Variants in PRDM4 observed in about 807,000 individuals in gnomAD.
The protein encoded by PRDM4 is PR domain zinc finger protein 4.
Under a neutral mutation model 62.3 loss-of-function variants are expected in PRDM4, and 38 were observed. The ratio of observed to expected loss-of-function variants is 0.61; its 90% CI spans 0.47 to 0.80. The LOEUF (loss-of-function observed/expected upper bound fraction) is 0.80, where lower values mean the gene tolerates loss of function less well. PRDM4 is among the 30% of genes least tolerant of loss of function. The pLI, the probability that PRDM4 is intolerant of heterozygous loss-of-function variation, is 0.00. For synonymous variants in PRDM4, 339 were observed against 348.2 expected (o/e 0.97, Z 0.30); for missense variants, 858 against 997.1 (o/e 0.86, Z 1.88).
At chr12:107,751,096 C>T (rs1404466529) in intron 5 of PRDM4, among the ~76,000 whole-genome samples, 2 of 152,202 alleles carry the variant, frequency 1.3e-5, no homozygotes, top group South Asian at 2.1e-4. Context: ...AACCTCCTGC[C>T]TCTGCCTCCA....
Position 107,744,429 on chromosome 12 carries a change from C to G in PRDM4, c.1395+114G>C, listed in dbSNP as rs995146126. On this transcript the variant is annotated intron_variant, in intron 7 of 11. Transcript: ENST00000228437. ...AAATGTACGTGAAATAAATGACTGA[C>G]CAGTGAATGGCACTGTATCAGTTCT... is the stretch of plus-strand genomic sequence containing the variant. 7.0e-6 allele frequency: 8 copies of G among 1,139,888 alleles called. No individual in the cohort carries two copies. In the Admixed American group the frequency reaches 1.7e-4, roughly 24 times the overall value. The allele number at this position is 1,139,888 out of a possible 1,614,324, so 70.6% of individuals were successfully genotyped here. A position where few individuals can be genotyped will look rare whatever the true frequency, so the allele number is the denominator to read the frequency against.
At chr12:107,755,252 G>A (rs535863903) in intron 3 of PRDM4, among the ~76,000 whole-genome samples, 1 of 151,926 alleles carries the variant, frequency 6.6e-6, no homozygotes, top group African/African-American at 2.4e-5. Context: ...GTGCCACCAT[G>A]CGCTGCTAAT....
chr12:107,739,596 G>T, intron 10 of PRDM4, 45 bp from the exon 11 acceptor site: 1 of 1,576,948 alleles, frequency 6.3e-7, no homozygotes, highest in Admixed American at 1.7e-5. Context: ...AACAACTGCT[G>T]GCATCCCCAA....
intron 2 of PRDM4, among the ~76,000 whole-genome samples, chr12:107,757,600 T>C (rs946723689): frequency 2.6e-5 from 4 of 152,206 alleles, no homozygotes; most frequent in Admixed American, 6.5e-5. Context: ...CAACGTAAGA[T>C]AGATGAGGGA....
chr12:107,744,669 T>A lies in PRDM4; in HGVS notation c.1277-8A>T. 1 of 1,613,238 alleles carries A rather than the reference T, an allele frequency of 6.2e-7. No homozygotes were observed. The highest frequency in any genetic ancestry group is 8.5e-7 in the Non-Finnish European group (1 of 1,179,264). ...TTTCTCCAGTCCATACACCTGTCAG[T>A]GGAAGGACACCAACTACACAATCAA... On this transcript the variant is annotated splice_polypyrimidine_tract_variant and splice_region_variant and intron_variant, in intron 6 of 11. Coordinates refer to ENST00000228437, the MANE Select transcript of PRDM4 (RefSeq NM_012406.4).
Position 107,752,088 on chromosome 12 carries a change from C to T in PRDM4, c.453G>A (p.Gln151=). ...TNNPSALDPY[Q]SNGNVGLEPG... ...GTTCTAATCCAACATTTCCATTGGA[C>T]TGATAGGGATCTAGTGCTGAAGGGT... is the stretch of plus-strand genomic sequence containing the variant. Residue 151 remains glutamine (Q), a synonymous_variant, in exon 5 of 12, where the codon CAG becomes CAA. Transcript: ENST00000228437. The T allele has an allele frequency of 4.3e-6, 7 of 1,613,234 alleles. No homozygotes were observed. The South Asian group carries it at 7.7e-5, about 18-fold the overall frequency.
At chr12:107,734,635 C>A in intron 11 of PRDM4, 113 bp from the exon 12 acceptor site, 1 of 982,814 alleles carries the variant, frequency 1.0e-6, no homozygotes, top group Non-Finnish European at 1.5e-6. Context: ...CCTTCTGAAT[C>A]AGGCTTTTGC....
chr12:107,754,283 T>G lies in PRDM4; in HGVS notation c.146-174A>C, dbSNP rs536739161. On this transcript the variant is annotated intron_variant, in intron 3 of 11. Coordinates refer to ENST00000228437, the MANE Select transcript of PRDM4 (RefSeq NM_012406.4). ...TATCCACAAATAAGCCTAAAGAAAGTAGTCTTAGTCCCAAAGATAGTTTTT... is the reference window on the plus strand; with the variant it reads ...TATCCACAAATAAGCCTAAAGAAAGGAGTCTTAGTCCCAAAGATAGTTTTT... 2.0e-5 allele frequency among the ~76,000 whole-genome samples: 3 copies of G among 152,348 alleles called. No individual in the cohort carries two copies. In the South Asian group the frequency reaches 6.2e-4, roughly 32 times the overall value.
At chr12:107,746,639 C>T (rs1169209820) in intron 5 of PRDM4, among the ~76,000 whole-genome samples, 2 of 152,086 alleles carry the variant, frequency 1.3e-5, no homozygotes, top group Non-Finnish European at 2.9e-5. Flanking sequence ...CGTGTGCCAC[C>T]ATGCCCAGCT....
At chr12:107,742,532 C>T (rs528488864) in intron 8 of PRDM4, 184 bp from the exon 9 acceptor site, 2 of 634,378 alleles carry the variant, frequency 3.2e-6, no homozygotes, top group South Asian at 2.0e-5. Context: ...AGAATTCTTA[C>T]TTCAACATAT....
At position 107,741,183 on chromosome 12, in the gene PRDM4, G is replaced by T. The variant is rs1278077574; in HGVS notation, c.1687C>A (p.Leu563Met). 6.2e-7 allele frequency: 1 copy of T among 1,614,126 alleles called. No homozygotes were observed. Among genetic ancestry groups the T allele is most frequent in the Non-Finnish European group, 8.5e-7 (1 of 1,180,014 alleles). Residue 563 changes from leucine (L) to methionine (M), a missense_variant, in exon 10 of 12, where the codon CTG becomes ATG. This residue lies in a region of PRDM4 where 355 missense variants were observed against 432.6 expected (regional missense o/e 0.82). Coordinates refer to ENST00000228437, the MANE Select transcript of PRDM4 (RefSeq NM_012406.4). ...AGATGGTTATGGATGTGGCTGGTCAGATGGGCTTTGAACTCTGTGTAAGAA... is the reference window on the plus strand; with the variant it reads ...AGATGGTTATGGATGTGGCTGGTCATATGGGCTTTGAACTCTGTGTAAGAA... ...CNSYTEFKAH[L>M]TSHIHNHLPT...
Position 107,753,216 on chromosome 12 carries a change from AAAGTT to A in PRDM4, c.331+703_331+707del, listed in dbSNP as rs1890955512. The stretch of plus-strand genomic sequence containing the variant: ...CCAAAACCCCATCTCTTTTTTTAAA[AAAGTT>A]ATTTATAAAAAAGAAATGAAATATG... On this transcript the variant is annotated intron_variant, in intron 4 of 11. Coordinates refer to ENST00000228437, the MANE Select transcript of PRDM4 (RefSeq NM_012406.4). Among the ~76,000 whole-genome samples, 3 of 152,198 alleles carry A rather than the reference AAAGTT, an allele frequency of 2.0e-5. No individual in the cohort carries two copies. The South Asian group carries it at 6.2e-4, about 32-fold the overall frequency.
chr12:107,738,087 TG>T (rs766413289), intron 11 of PRDM4: 4 of 152,208 alleles, frequency 2.6e-5, no homozygotes, highest in Non-Finnish European at 5.9e-5. Context: ...GGCTGGGTTC[TG>T]GTGGGGGCCC....
chr12:107,752,378 T>C (rs1044573716), intron 4 of PRDM4, among the ~76,000 whole-genome samples, 169 bp from the exon 5 acceptor site: 2 of 152,202 alleles, frequency 1.3e-5, no homozygotes, highest in Non-Finnish European at 2.9e-5. Flanking sequence ...TATACCGTAA[T>C]TGAGTTTTTC....
Position 107,741,129 on chromosome 12 carries a change from C to T in PRDM4, c.1741G>A (p.Gly581Arg). 1.2e-6 allele frequency: 2 copies of T among 1,614,116 alleles called. No homozygotes were observed. Among genetic ancestry groups the T allele is most frequent in the Non-Finnish European group, 1.7e-6 (2 of 1,180,034 alleles). ...TTCCTTTCTTTGCTGTGACTTGGCC[C>T]ATGGCTGCCGCTATGTCCCTGGGTA... ...LPTQGHSGSH[G>R]PSHSKERKWK... The change falls in exon 10 of 12, where the codon GGG (glycine) becomes AGG (arginine). Residue 581 changes from glycine (G) to arginine (R), a missense_variant. By Grantham distance (125) the Gly-to-Arg change is moderately radical (BLOSUM62 -2). Coordinates refer to ENST00000228437, the MANE Select transcript of PRDM4 (RefSeq NM_012406.4).
At chr12:107,736,826 G>A (rs1191205902) in intron 11 of PRDM4, 1 of 152,222 alleles carries the variant, frequency 6.6e-6, no homozygotes, top group East Asian at 1.9e-4. Flanking sequence ...TTAGTTGAAT[G>A]AAGGAAGGAA....
chr12:107,752,447 T>C (rs1339055959), intron 4 of PRDM4, among the ~76,000 whole-genome samples: 1 of 152,162 alleles, frequency 6.6e-6, no homozygotes. Flanking sequence ...TAACTGGGAA[T>C]CACTAACGAA....
chr12:107,739,733 G>A (rs1379664334), intron 10 of PRDM4, 182 bp from the exon 11 acceptor site: 1 of 485,342 alleles, frequency 2.1e-6, no homozygotes, highest in African/African-American at 1.9e-5. Context: ...TTTATATTCT[G>A]CAACTAAAGC....
chr12:107,754,242 TTAGA>T lies in PRDM4; in HGVS notation c.146-137_146-134del, dbSNP rs200133510. 1,219 of 618,524 alleles carry T rather than the reference TTAGA, an allele frequency of 2.0e-3. 8 individuals carry two copies. The highest frequency in any genetic ancestry group is 0.019 in the African/African-American group (1,002 of 53,636). 38.3% of individuals were successfully genotyped at this position (618,524 alleles called of 1,614,324 possible). ...TCTCACCTACTAGCCCTTTTCATCC[TTAGA>T]TAATGTGCAAATATCCACAAATAAG... On this transcript the variant is annotated intron_variant, in intron 3 of 11. Coordinates refer to ENST00000228437, the MANE Select transcript of PRDM4 (RefSeq NM_012406.4).
Sources: gnomAD v4.1 joint callset for allele counts (sites outside exome capture counted in the v4.1 genomes callset) on GRCh38, gnomAD v4.1.1 for gene constraint, gnomAD v4.1.1 regional missense constraint, MANE v1.5 for transcripts, NCBI Gene and HGNC (gene_info 2026-07-23, HGNC 2026-07-21) for gene names.